The following MITF variants were observed in gnomAD, a reference collection of about 807,000 sequenced individuals.
The protein encoded by MITF is melanocyte inducing transcription factor, also known as microphthalmia-associated transcription factor.
MITF carries 17 observed loss-of-function variants against 60.5 expected under a neutral mutation model. The observed-to-expected ratio is 0.28, with a 90% CI of 0.19 to 0.42. The LOEUF is 0.42. Among genes scored for constraint, MITF ranks in the 10% least tolerant of loss-of-function variants. The pLI is 1.00. For synonymous variants in MITF, 260 were observed against 248.5 expected (o/e 1.05, Z -0.43); for missense variants, 622 against 683.5 (o/e 0.91, Z 1.00).
intron 1 of MITF, among the ~76,000 whole-genome samples, chr3:69,759,550 G>T (rs1307025017): frequency 4.6e-5 from 7 of 152,206 alleles, no homozygotes; most frequent in Non-Finnish European, 8.8e-5. Flanking sequence ...TGTTGATTTT[G>T]GGTTTACAAA....
In MITF at chr3:69,774,990, A is replaced by G. The variant is rs557348640; in HGVS notation, c.104+35289A>G. On this transcript the variant is annotated intron_variant, in intron 1 of 9. Transcript: ENST00000352241. Reference sequence around the variant, plus strand: ...TTTTACACCTCAGGCCTTCACACACATTCTTCCTGCCATCTTGAACATTTT... The same window carrying G: ...TTTTACACCTCAGGCCTTCACACACGTTCTTCCTGCCATCTTGAACATTTT... Among the ~76,000 whole-genome samples the G allele has an allele frequency of 1.2e-4, 18 of 152,138 alleles. No individual in the cohort carries two copies. In the South Asian group the frequency reaches 3.1e-3, roughly 26 times the overall value.
chr3:69,760,800 C>T (rs965789778), intron 1 of MITF, among the ~76,000 whole-genome samples: 7 of 152,118 alleles, frequency 4.6e-5, no homozygotes, highest in Admixed American at 3.3e-4. Context: ...TAACCAGGCT[C>T]AGCTTACTCA....
At chr3:69,893,485 T>C (rs1440649262) in intron 2 of MITF, among the ~76,000 whole-genome samples, 1 of 151,962 alleles carries the variant, frequency 6.6e-6, no homozygotes, top group Non-Finnish European at 1.5e-5. Flanking sequence ...CTCTGAGGAG[T>C]AAGTGACATG....
intron 1 of MITF, among the ~76,000 whole-genome samples, chr3:69,866,699 T>C (rs2107229485): frequency 6.6e-6 from 1 of 152,280 alleles, no homozygotes; most frequent in Non-Finnish European, 1.5e-5. Context: ...GATTGCAAGA[T>C]AGACTGCAGC....
At chr3:69,779,852 T>C (rs1301830317) in intron 1 of MITF, among the ~76,000 whole-genome samples, 1 of 152,046 alleles carries the variant, frequency 6.6e-6, no homozygotes, top group Non-Finnish European at 1.5e-5. Flanking sequence ...ACTGAAGTCT[T>C]TTAAAGGGAA....
Position 69,796,325 on chromosome 3 carries a change from A to G in MITF, c.104+56624A>G, listed in dbSNP as rs2062826721. 3.3e-5 allele frequency among the ~76,000 whole-genome samples: 5 copies of G among 152,126 alleles called. No individual in the cohort carries two copies. The South Asian group carries it at 1.0e-3, about 32-fold the overall frequency. The stretch of plus-strand genomic sequence containing the variant: ...ATTGTGTTTAGTTTGTATTCATTTT[A>G]GAAATATGGCAAAGCATTCTTTCTT... On this transcript the variant is annotated intron_variant, in intron 1 of 9. Transcript: ENST00000352241.
chr3:69,755,117 T>G (rs1210625972), intron 1 of MITF, among the ~76,000 whole-genome samples: 1 of 152,234 alleles, frequency 6.6e-6, no homozygotes, highest in East Asian at 1.9e-4. Flanking sequence ...TGGTGTTACT[T>G]TTGTTGCCAG....
intron 1 of MITF, among the ~76,000 whole-genome samples, chr3:69,750,019 A>G (rs1703870567): frequency 6.6e-6 from 1 of 152,210 alleles, no homozygotes; most frequent in Admixed American, 6.5e-5. Flanking sequence ...TGGTCATAAT[A>G]TCAAAATCAC....
At chr3:69,814,664 G>A (rs1389000782) in intron 1 of MITF, among the ~76,000 whole-genome samples, 1 of 152,058 alleles carries the variant, frequency 6.6e-6, no homozygotes, top group Non-Finnish European at 1.5e-5. Context: ...CCATTTGTGT[G>A]TGTGTGTGTC....
At position 69,796,494 on chromosome 3, in the gene MITF, C is replaced by CTTTTTTTTTT. The variant is rs767834091; in HGVS notation, c.104+56807_104+56816dup. 9.1e-4 allele frequency among the ~76,000 whole-genome samples: 73 copies of CTTTTTTTTTT among 80,306 alleles called. 9 individuals are homozygous for CTTTTTTTTTT. Among genetic ancestry groups the CTTTTTTTTTT allele is most frequent in the Non-Finnish European group, 1.1e-3 (44 of 38,542 alleles). 52.7% of individuals were successfully genotyped at this position (80,306 alleles called of 152,430 possible). On this transcript the variant is annotated intron_variant, in intron 1 of 9. Coordinates refer to ENST00000352241, the MANE Select transcript of MITF (RefSeq NM_001354604.2). ...TGTGAAGCTTACAAACACCGTCTTT[C>CTTTTTTTTTT]TTTTTTTTTTTTTTTTTTTTTTTGA...
At chr3:69,935,814 G>C (rs2065820292) in intron 2 of MITF, among the ~76,000 whole-genome samples, 1 of 152,106 alleles carries the variant, frequency 6.6e-6, no homozygotes. Flanking sequence ...GCTTTGTACA[G>C]TGTTTAGCAC....
At chr3:69,954,646 AAAAAT>A (rs753250200) in intron 7 of MITF, among the ~76,000 whole-genome samples, 125 of 152,320 alleles carry the variant, frequency 8.2e-4, no homozygotes, top group Non-Finnish European at 1.0e-3. Context: ...TGCTTGGAAA[AAAAAT>A]AAGAAGAAAG....
In MITF at chr3:69,938,356, T is replaced by G. The variant is rs1280700007; in HGVS notation, c.582+307T>G. On this transcript the variant is annotated intron_variant, in intron 3 of 9. Transcript: ENST00000352241. ...CTTCTCTTCCATGCCTTTCAGTTTA[T>G]GAAGCAGTGAGAATGCAGAGAGAGG... The G allele has an allele frequency of 6.4e-7, 1 of 1,571,648 alleles. No homozygotes were observed.
At chr3:69,755,235 G>C (rs915720485) in intron 1 of MITF, among the ~76,000 whole-genome samples, 4 of 152,136 alleles carry the variant, frequency 2.6e-5, no homozygotes, top group African/African-American at 9.7e-5. Flanking sequence ...ACAATACCAA[G>C]GCTGTGTAGC....
intron 2 of MITF, among the ~76,000 whole-genome samples, chr3:69,901,640 G>C (rs943697755): frequency 6.6e-6 from 1 of 152,070 alleles, no homozygotes; most frequent in Non-Finnish European, 1.5e-5. Flanking sequence ...GAGAATAGTT[G>C]GTCCTCCCCT....
intron 1 of MITF, among the ~76,000 whole-genome samples, chr3:69,741,708 G>C (rs1041840150): frequency 6.6e-6 from 1 of 152,160 alleles, no homozygotes; most frequent in Non-Finnish European, 1.5e-5. Flanking sequence ...TGTATATGGA[G>C]CACACACATG....
intron 1 of MITF, among the ~76,000 whole-genome samples, chr3:69,751,087 C>T (rs547573923): frequency 3.9e-5 from 6 of 152,262 alleles, no homozygotes; most frequent in South Asian, 4.1e-4. Context: ...TTTTAATCTA[C>T]ACTCTAAAAG....
intron 1 of MITF, among the ~76,000 whole-genome samples, chr3:69,867,071 C>G (rs527548841): frequency 1.3e-5 from 2 of 152,116 alleles, no homozygotes; most frequent in Non-Finnish European, 2.9e-5. Flanking sequence ...CATTTACTTT[C>G]ACTGTTAGGT....
chr3:69,763,726 T>C, intron 1 of MITF: 2 of 1,334,602 alleles, frequency 1.5e-6, no homozygotes, highest in Non-Finnish European at 2.0e-6. Context: ...GTAGCTTGTT[T>C]GGTCAGTCGA....
Sources: allele counts gnomAD v4.1 joint callset (sites outside exome capture counted in the v4.1 genomes callset), GRCh38; gene constraint gnomAD v4.1.1; transcripts MANE v1.5; gene names NCBI Gene and HGNC (gene_info 2026-07-23, HGNC 2026-07-21).